Variants in RAF1 observed in about 807,000 individuals in gnomAD.
RAF1 encodes the protein RAF proto-oncogene serine/threonine-protein kinase.
RAF1 carries 27 observed loss-of-function variants against 81.1 expected under a neutral mutation model. That is an observed-to-expected ratio of 0.33 (90% CI 0.25 to 0.46). The LOEUF (loss-of-function observed/expected upper bound fraction) is 0.46, where lower values mean the gene tolerates loss of function less well. RAF1 is among the 20% of genes least tolerant of loss of function. The probability of loss-of-function intolerance (pLI) is 1.00; values close to 1 mark genes in which losing one functional copy is unlikely to be tolerated. For synonymous variants in RAF1, 298 were observed against 294.0 expected (o/e 1.01, Z -0.14); for missense variants, 598 against 826.0 (o/e 0.72, Z 3.38).
chr3:12,593,785 C>CTTT (rs1559411784), intron 11 of RAF1, among the ~76,000 whole-genome samples: 2 of 119,516 alleles, frequency 1.7e-5, no homozygotes, highest in African/African-American at 3.5e-5. Context: ...GGGAGTAAAT[C>CTTT]CTTTTTTTTT....
At chr3:12,587,484 A>T in intron 14 of RAF1, 107 bp downstream of exon 13, 1 of 1,092,574 alleles carries the variant, frequency 9.2e-7, no homozygotes, top group Non-Finnish European at 1.4e-6. Context: ...CTCTTTCCTT[A>T]AAAAGATATC....
intron 1 of RAF1, among the ~76,000 whole-genome samples, chr3:12,635,316 CTCAAAAAAAAAAAAAAAA>C: frequency 2.1e-5 from 1 of 48,238 alleles, no homozygotes; most frequent in Non-Finnish European, 3.4e-5. Context: ...GAGACCCTGT[CTCAAAAAAAAAAAAAAAA>C]AAAAAAAAAA....
At chr3:12,605,905 C>A (rs1007256530) in intron 6 of RAF1, among the ~76,000 whole-genome samples, 2 of 152,120 alleles carry the variant, frequency 1.3e-5, no homozygotes, top group Non-Finnish European at 2.9e-5. Context: ...GAACTCAGTA[C>A]ATACTGAGGA....
chr3:12,594,776 A>G (rs755513106), intron 11 of RAF1, among the ~76,000 whole-genome samples: 4 of 152,202 alleles, frequency 2.6e-5, no homozygotes, highest in Non-Finnish European at 5.9e-5. Context: ...GCAAATACAT[A>G]TCACACCTCT....
At chr3:12,603,116 G>A (rs886682901) in intron 8 of RAF1, among the ~76,000 whole-genome samples, 7 of 152,066 alleles carry the variant, frequency 4.6e-5, no homozygotes, top group African/African-American at 1.2e-4. Context: ...CAGTTGGAGT[G>A]CAATGGCTAT....
rs554066636 is a variant in RAF1 at position 12,643,750 on chromosome 3, T to A, written c.-27+20063A>T. 1.3e-3 allele frequency among the ~76,000 whole-genome samples: 196 copies of A among 149,846 alleles called. 1 individual carries two copies. In the South Asian group the frequency reaches 0.013, roughly 10 times the overall value. ...AAACTCTGTCTCAAAAAAAAAAAAA[T>A]AAAAATAAAAACAAAAAAGAAATCC... On this transcript the variant is annotated intron_variant, in intron 1 of 17. Transcript: ENST00000442415.
At chr3:12,645,187 T>C (rs955437973) in intron 1 of RAF1, among the ~76,000 whole-genome samples, 4 of 152,016 alleles carry the variant, frequency 2.6e-5, no homozygotes, top group African/African-American at 2.4e-5. Context: ...AAGAGATTCT[T>C]AGATCTACCT....
chr3:12,585,503 A>G, intron 15 of RAF1, 178 bp downstream of exon 14: 1 of 929,148 alleles, frequency 1.1e-6, no homozygotes, highest in Non-Finnish European at 1.3e-6. Flanking sequence ...TAAGCTTCAC[A>G]GTGGTTCTGA....
chr3:12,659,079 A>G lies in RAF1; in HGVS notation c.-27+4734T>C, dbSNP rs144463303. Among the ~76,000 whole-genome samples the G allele has an allele frequency of 3.1e-3, 466 of 152,278 alleles. 3 individuals carry two copies. The highest frequency in any genetic ancestry group is 0.01 in the African/African-American group (434 of 41,558). Reference sequence around the variant, plus strand: ...AATTAAAGATCAAACCTTAATGTGTAATTAAGGAATTTTTACTTACAACTC... The same window carrying G: ...AATTAAAGATCAAACCTTAATGTGTGATTAAGGAATTTTTACTTACAACTC... On this transcript the variant is annotated intron_variant, in intron 1 of 17. Transcript: ENST00000442415.
At chr3:12,645,947 CTG>C (rs1293135156) in intron 1 of RAF1, among the ~76,000 whole-genome samples, 1 of 152,118 alleles carries the variant, frequency 6.6e-6, no homozygotes, top group Non-Finnish European at 1.5e-5. Context: ...AAGAAAAAGA[CTG>C]TATATACCAT....
At position 12,652,289 on chromosome 3, in the gene RAF1, G is replaced by A. The variant is rs186637125; in HGVS notation, c.-27+11524C>T. Among the ~76,000 whole-genome samples the A allele has an allele frequency of 8.5e-5, 13 of 152,094 alleles. No homozygotes were observed. In the East Asian group the frequency reaches 2.1e-3, roughly 25 times the overall value. The stretch of plus-strand genomic sequence containing the variant: ...TGTAATCCCAGAACTTTGGGAGGCC[G>A]AGATGGGCGGATCATAAGGTCAGGA... On this transcript the variant is annotated intron_variant, in intron 1 of 17. Coordinates refer to ENST00000442415, the MANE Select transcript of RAF1 (RefSeq NM_001354689.3).
chr3:12,592,887 C>T (rs1477846691), intron 11 of RAF1, among the ~76,000 whole-genome samples: 1 of 151,670 alleles, frequency 6.6e-6, no homozygotes, highest in African/African-American at 2.4e-5. Context: ...AGGCACCCGC[C>T]ACCACGTCTG....
chr3:12,645,994 C>T (rs1426868768), intron 1 of RAF1, among the ~76,000 whole-genome samples: 1 of 152,144 alleles, frequency 6.6e-6, no homozygotes, highest in African/African-American at 2.4e-5. Flanking sequence ...AATTTTTCTT[C>T]ATATTTAAGA....
chr3:12,651,504 C>T (rs1024422603), intron 1 of RAF1, among the ~76,000 whole-genome samples: 5 of 151,720 alleles, frequency 3.3e-5, no homozygotes, highest in Admixed American at 6.6e-5. Flanking sequence ...CGTGGTGGCT[C>T]ATGCCCATAG....
intron 11 of RAF1, among the ~76,000 whole-genome samples, chr3:12,596,695 A>C (rs1316243028): frequency 6.6e-6 from 1 of 152,236 alleles, no homozygotes; most frequent in African/African-American, 2.4e-5. Context: ...GTAATTTTTA[A>C]GATACTGAAC....
At chr3:12,636,650 T>G (rs548390586) in intron 1 of RAF1, among the ~76,000 whole-genome samples, 1 of 151,376 alleles carries the variant, frequency 6.6e-6, no homozygotes, top group Non-Finnish European at 1.5e-5. Context: ...CTACAAAAAA[T>G]ACAAAAATTA....
chr3:12,618,788 TATTC>T (rs1300204622), intron 1 of RAF1, 41 bp from the exon 2 acceptor site: 11 of 1,501,806 alleles, frequency 7.3e-6, no homozygotes, highest in Non-Finnish European at 1.0e-5. Flanking sequence ...AGAACAAAAG[TATTC>T]AACCCAAGAA....
intron 1 of RAF1, among the ~76,000 whole-genome samples, chr3:12,620,544 C>A (rs1009517683): frequency 6.6e-6 from 1 of 152,068 alleles, no homozygotes; most frequent in Non-Finnish European, 1.5e-5. Context: ...GATCACAGCT[C>A]ACTGCAGCTT....
intron 3 of RAF1, among the ~76,000 whole-genome samples, chr3:12,609,719 G>T (rs574746639): frequency 6.6e-6 from 1 of 152,112 alleles, no homozygotes; most frequent in Non-Finnish European, 1.5e-5. Flanking sequence ...GGCCTCAAGC[G>T]GTCCTCCTGC....
Sources: gnomAD v4.1 joint callset for allele counts (sites outside exome capture counted in the v4.1 genomes callset) on GRCh38, gnomAD v4.1.1 for gene constraint, MANE v1.5 for transcripts, NCBI Gene and HGNC (gene_info 2026-07-23, HGNC 2026-07-21) for gene names.